MTUS1: variants seen among roughly 807,000 people sequenced by gnomAD.
The protein encoded by MTUS1 is microtubule-associated tumor suppressor 1.
Under a neutral mutation model 120.8 loss-of-function variants are expected in MTUS1, and 109 were observed. That is an observed-to-expected ratio of 0.90 (90% CI 0.77 to 1.06). The LOEUF is 1.06. MTUS1 is among the 50% of genes least tolerant of loss of function. The pLI is 0.00. For synonymous variants in MTUS1, 737 were observed against 550.5 expected, an observed-to-expected ratio of 1.34 and a Z score of -4.74; for missense variants, 2,210 against 1,486.3, an observed-to-expected ratio of 1.49 and a Z score of -8.01.
chr8:17,713,177 G>T (rs761968318), intron 6 of MTUS1, 37 bp downstream of exon 6: 36 of 1,521,178 alleles, frequency 2.4e-5, no homozygotes, highest in Non-Finnish European at 4.5e-6. Flanking sequence ...TTTACAAAAA[G>T]ATTCTTTTTA....
In MTUS1 at chr8:17,718,618, G is replaced by A. The variant is rs530320714; in HGVS notation, c.2450-2717C>T. Among the ~76,000 whole-genome samples the A allele has an allele frequency of 1.6e-3, 247 of 152,106 alleles. 1 individual carries two copies. Among genetic ancestry groups the A allele is most frequent in the Admixed American group, 3.1e-3 (48 of 15,278 alleles). ...ACACTAAACACTGCTGGCTTGAAGA[G>A]ACAATACATAAAATTTTTCATGTGG... On this transcript the variant is annotated intron_variant, in intron 4 of 14. Transcript: ENST00000693296.
intron 1 of MTUS1, among the ~76,000 whole-genome samples, chr8:17,756,676 C>CCCCCCCCCA (rs56822917): frequency 1.9e-4 from 12 of 62,480 alleles, no homozygotes; most frequent in Non-Finnish European, 2.5e-4. Flanking sequence ...CCCAAACCCC[C>CCCCCCCCCA]ACCCCTTATG....
chr8:17,771,865 G>C (rs765586116), intron 1 of MTUS1, among the ~76,000 whole-genome samples: 4 of 152,184 alleles, frequency 2.6e-5, no homozygotes, highest in Admixed American at 6.5e-5. Context: ...AGAAAACTGA[G>C]ATCTAGAGAA....
intron 7 of MTUS1, chr8:17,676,017 A>G (rs1813029793): frequency 1.9e-6 from 1 of 518,558 alleles, no homozygotes; most frequent in Admixed American, 3.4e-5. Flanking sequence ...ACAGTTCCTT[A>G]AAAGGTAGAT....
At chr8:17,720,465 C>G (rs1346217231) in intron 4 of MTUS1, among the ~76,000 whole-genome samples, 3 of 152,210 alleles carry the variant, frequency 2.0e-5, no homozygotes, top group Non-Finnish European at 4.4e-5. Context: ...AAAGAACACT[C>G]CATTTCTTTT....
intron 2 of MTUS1, among the ~76,000 whole-genome samples, chr8:17,745,412 G>A (rs1457149463): frequency 6.6e-6 from 1 of 152,134 alleles, no homozygotes; most frequent in Non-Finnish European, 1.5e-5. Flanking sequence ...ATAGTATTCA[G>A]CATGTAGTAA....
At position 17,754,087 on chromosome 8, in the gene MTUS1, G is replaced by C. The variant is rs984075703; in HGVS notation, c.1721C>G (p.Thr574Arg). ...DKKAEILINK[T>R]HKQQFNKLIT... Reference sequence around the variant, plus strand: ...GAGTTTATTAAACTGCTGCTTATGTGTCTTGTTAATTAGAATTTCTGCTTT... The same window carrying C: ...GAGTTTATTAAACTGCTGCTTATGTCTCTTGTTAATTAGAATTTCTGCTTT... Residue 574 changes from threonine (T) to arginine (R), a missense_variant, in exon 2 of 15, where the codon ACA becomes AGA. By Grantham distance (71) the Thr-to-Arg change is moderately conservative. Transcript: ENST00000693296. 1.2e-6 allele frequency: 2 copies of C among 1,613,862 alleles called. No homozygotes were observed. Among genetic ancestry groups the C allele is most frequent in the Non-Finnish European group, 1.7e-6 (2 of 1,179,994 alleles).
chr8:17,765,776 T>C (rs1043235670), intron 1 of MTUS1, among the ~76,000 whole-genome samples: 1 of 150,780 alleles, frequency 6.6e-6, no homozygotes, highest in African/African-American at 2.4e-5. Flanking sequence ...CAGAGACAGG[T>C]CAACTCAATT....
Position 17,655,848 on chromosome 8 carries a change from T to A in MTUS1, c.3108+15A>T. ...GCAGAGGCCTCAGACAAGCTCTGGCTGCAAAAGCACAGACCTGCTCTTGCA... is the reference window on the plus strand; with the variant it reads ...GCAGAGGCCTCAGACAAGCTCTGGCAGCAAAAGCACAGACCTGCTCTTGCA... On this transcript the variant is annotated intron_variant, in intron 9 of 14. Transcript: ENST00000693296. The A allele has an allele frequency of 6.2e-7, 1 of 1,613,678 alleles. No homozygotes were observed. The highest frequency in any genetic ancestry group is 8.5e-7 in the Non-Finnish European group (1 of 1,179,576).
chr8:17,792,643 C>T (rs957320062), intron 1 of MTUS1, among the ~76,000 whole-genome samples: 9 of 152,238 alleles, frequency 5.9e-5, no homozygotes, highest in African/African-American at 1.7e-4. Flanking sequence ...GTGGACAGAT[C>T]GCCTGAGGCC....
chr8:17,646,290 AGAAAACCCAAACACAGGC>A, intron 14 of MTUS1, 151 bp from the exon 15 acceptor site: 1 of 925,856 alleles, frequency 1.1e-6, no homozygotes, highest in Non-Finnish European at 1.6e-6. Context: ...TGGCTGGCTA[AGAAAACCCAAACACAGGC>A]CGGGCGTGGT....
At chr8:17,789,001 G>A (rs1188009161) in intron 1 of MTUS1, among the ~76,000 whole-genome samples, 1 of 151,382 alleles carries the variant, frequency 6.6e-6, no homozygotes, top group Non-Finnish European at 1.5e-5. Flanking sequence ...CTAAAGAAAT[G>A]ATTTGATGTA....
chr8:17,734,762 C>G (rs1273720214), intron 3 of MTUS1, among the ~76,000 whole-genome samples: 1 of 152,258 alleles, frequency 6.6e-6, no homozygotes, highest in South Asian at 2.1e-4. Context: ...AATTTATTTA[C>G]CATCTGACAC....
chr8:17,752,165 CTT>C (rs1563321681), intron 2 of MTUS1, among the ~76,000 whole-genome samples: 1 of 151,804 alleles, frequency 6.6e-6, no homozygotes, highest in Non-Finnish European at 1.5e-5. Flanking sequence ...ATCAGGAAAA[CTT>C]TTAGTTTCAA....
intron 1 of MTUS1, among the ~76,000 whole-genome samples, chr8:17,792,318 G>A (rs2051859402): frequency 1.3e-5 from 2 of 152,070 alleles, no homozygotes; most frequent in Non-Finnish European, 2.9e-5. Context: ...CACCATATAA[G>A]GAGAAAATAG....
intron 1 of MTUS1, among the ~76,000 whole-genome samples, chr8:17,781,436 C>G (rs963970150): frequency 8.5e-5 from 13 of 152,172 alleles, no homozygotes; most frequent in Non-Finnish European, 1.9e-4. Context: ...CAAGGCTTCA[C>G]TTTGTGTTCA....
At chr8:17,735,998 C>A (rs1018425289) in intron 3 of MTUS1, among the ~76,000 whole-genome samples, 5 of 152,194 alleles carry the variant, frequency 3.3e-5, no homozygotes, top group Non-Finnish European at 7.3e-5. Context: ...ACCCCCTTAT[C>A]CCCTCACCCT....
rs1221000701 is a variant in MTUS1, at chr8:17,755,694, G to C, written c.114C>G (p.Asn38Lys). The change falls in exon 2 of 15, where the codon AAC becomes AAG. Residue 38 changes from asparagine to lysine, a missense_variant. Physicochemically the swap from Asn to Lys is moderately conservative, Grantham distance 94 (BLOSUM62 0). Coordinates refer to ENST00000693296, the MANE Select transcript of MTUS1 (RefSeq NM_001363059.2). Reference protein sequence around the residue: ...AYNPKSPPTQNSSASSVNWNS... With the variant: ...AYNPKSPPTQKSSASSVNWNS... ...TCCAGTTCACACTGCTGGCTGAAGA[G>C]TTTTGTGTAGGTGGTGATTTCGGGT... 2 of 1,614,204 alleles carry C rather than the reference G, an allele frequency of 1.2e-6. No homozygotes were observed. The highest frequency in any genetic ancestry group is 2.7e-5 in the African/African-American group (2 of 75,060).
intron 3 of MTUS1, among the ~76,000 whole-genome samples, chr8:17,731,674 A>G (rs1001816529): frequency 7.2e-5 from 11 of 152,228 alleles, no homozygotes; most frequent in African/African-American, 2.4e-4. Context: ...ACCATATGCA[A>G]AATAAAAAGA....
Sources: allele counts gnomAD v4.1 joint callset (sites outside exome capture counted in the v4.1 genomes callset), GRCh38; gene constraint gnomAD v4.1.1; transcripts MANE v1.5; gene names NCBI Gene and HGNC (gene_info 2026-07-23, HGNC 2026-07-21).